SND1: variants seen among roughly 807,000 people sequenced by gnomAD.
The protein encoded by SND1 is staphylococcal nuclease and tudor domain containing 1.
A neutral mutation model predicts 121.7 loss-of-function variants in SND1; 38 were observed. The ratio of observed to expected loss-of-function variants is 0.31; its 90% CI spans 0.24 to 0.41. The LOEUF (loss-of-function observed/expected upper bound fraction) is 0.41, where lower values mean the gene tolerates loss of function less well. Ranked by LOEUF, SND1 falls within the 10% of genes least tolerant of loss-of-function variation. The probability of loss-of-function intolerance (pLI) is 1.00; values close to 1 mark genes in which losing one functional copy is unlikely to be tolerated. For missense variants in SND1, 868 were observed against 1,184.6 expected, an observed-to-expected ratio of 0.73 and a Z score of 3.92; for synonymous variants, 401 against 447.4, an observed-to-expected ratio of 0.90 and a Z score of 1.31.
intron 10 of SND1, among the ~76,000 whole-genome samples, chr7:127,746,922 T>C (rs1256246881): frequency 1.3e-5 from 2 of 152,240 alleles, no homozygotes; most frequent in Non-Finnish European, 2.9e-5. Flanking sequence ...CAGCATATGC[T>C]AGTAATGTTT....
At chr7:127,876,611 T>C (rs1799696212) in intron 12 of SND1, among the ~76,000 whole-genome samples, 1 of 152,152 alleles carries the variant, frequency 6.6e-6, no homozygotes, top group Admixed American at 6.6e-5. Flanking sequence ...TGATGAATCA[T>C]ACAAATTCAC....
intron 16 of SND1, among the ~76,000 whole-genome samples, chr7:128,067,378 C>A (rs1407904519): frequency 6.6e-6 from 1 of 152,204 alleles, no homozygotes; most frequent in Admixed American, 6.5e-5. Flanking sequence ...CCAGACAGCA[C>A]ATGGAAATGA....
At chr7:127,831,358 T>C (rs1266468380) in intron 11 of SND1, among the ~76,000 whole-genome samples, 2 of 152,328 alleles carry the variant, frequency 1.3e-5, no homozygotes, top group African/African-American at 4.8e-5. Context: ...GGGCTGCAGC[T>C]AGGTATAACA....
chr7:127,970,944 T>C lies in SND1; in HGVS notation c.1670-20003T>C, dbSNP rs1801970565. ...GGGCAACAAAGCGAGACCCTGTCTCTATAAATAAATAAATAAATAAATGTT... is the reference window on the plus strand; with the variant it reads ...GGGCAACAAAGCGAGACCCTGTCTCCATAAATAAATAAATAAATAAATGTT... On this transcript the variant is annotated intron_variant, in intron 15 of 23. Coordinates refer to ENST00000354725, the MANE Select transcript of SND1 (RefSeq NM_014390.4). 2.6e-5 allele frequency among the ~76,000 whole-genome samples: 4 copies of C among 151,738 alleles called. No individual in the cohort carries two copies. The South Asian group carries it at 8.3e-4, about 31-fold the overall frequency.
At chr7:127,993,021 C>A (rs1421494085) in intron 16 of SND1, among the ~76,000 whole-genome samples, 3 of 152,162 alleles carry the variant, frequency 2.0e-5, no homozygotes, top group Non-Finnish European at 4.4e-5. Context: ...TCTTTCATAT[C>A]CCTAGGTTGA....
chr7:128,028,497 G>T, intron 16 of SND1: 2 of 592,852 alleles, frequency 3.4e-6, no homozygotes, highest in Non-Finnish European at 2.8e-6. Flanking sequence ...GAACTTACAA[G>T]TTAGAAAATA....
intron 16 of SND1, among the ~76,000 whole-genome samples, chr7:128,035,588 C>G (rs12155421): frequency 0.21 from 31,593 of 152,168 alleles, 3,731 homozygotes; most frequent in Middle Eastern, 0.29. Context: ...AGAGTCTGTC[C>G]TTTTTGACCT....
intron 10 of SND1, among the ~76,000 whole-genome samples, chr7:127,766,392 T>C (rs1282661801): frequency 6.6e-6 from 1 of 152,246 alleles, no homozygotes; most frequent in Admixed American, 6.5e-5. Flanking sequence ...TGATATCAAC[T>C]CTTTGCTTTC....
At chr7:127,928,982 T>G (rs996101489) in intron 14 of SND1, among the ~76,000 whole-genome samples, 1 of 152,210 alleles carries the variant, frequency 6.6e-6, no homozygotes, top group Non-Finnish European at 1.5e-5. Context: ...TTTAACTGAG[T>G]ATTTAAGTTA....
intron 10 of SND1, among the ~76,000 whole-genome samples, chr7:127,772,748 T>C (rs577085169): frequency 6.6e-6 from 1 of 152,276 alleles, no homozygotes; most frequent in African/African-American, 2.4e-5. Flanking sequence ...CATTTCCAGC[T>C]ACTATCTTGC....
At chr7:127,860,755 G>C (rs1799362801) in intron 12 of SND1, among the ~76,000 whole-genome samples, 1 of 152,130 alleles carries the variant, frequency 6.6e-6, no homozygotes, top group African/African-American at 2.4e-5. Flanking sequence ...CTTATTGCTA[G>C]CTAACCAAAA....
chr7:127,703,104 G>A (rs1796131705), intron 6 of SND1, 61 bp from the exon 7 acceptor site: 2 of 1,576,200 alleles, frequency 1.3e-6, no homozygotes, highest in Middle Eastern at 1.8e-4. Context: ...TTAGTGTGGG[G>A]CGAGAGTGCC....
Position 128,048,265 on chromosome 7 carries a change from CT to C in SND1, c.1780-26221del, listed in dbSNP as rs572752218. Among the ~76,000 whole-genome samples, 1,155 of 138,516 alleles carry C rather than the reference CT, an allele frequency of 8.3e-3. 10 individuals are homozygous for C. Among genetic ancestry groups the C allele is most frequent in the East Asian group, 0.042 (203 of 4,802 alleles). 90.9% of individuals were successfully genotyped at this position (138,516 alleles called of 152,430 possible). A position where few individuals can be genotyped will look rare whatever the true frequency, so the allele number is the denominator to read the frequency against. On this transcript the variant is annotated intron_variant, in intron 16 of 23. Coordinates refer to ENST00000354725, the MANE Select transcript of SND1 (RefSeq NM_014390.4). ...ATTGGAACTGGCAGTGATTTTTTTT[CT>C]TTTTTTTTTTTTTTTCCAATTCAGG...
intron 14 of SND1, among the ~76,000 whole-genome samples, chr7:127,926,648 G>C (rs1322506178): frequency 6.7e-6 from 1 of 148,486 alleles, no homozygotes; most frequent in Non-Finnish European, 1.5e-5. Flanking sequence ...CGCCTCTCAG[G>C]TTCATACCAT....
chr7:127,931,379 G>C (rs893427303), intron 15 of SND1, among the ~76,000 whole-genome samples: 2 of 152,188 alleles, frequency 1.3e-5, no homozygotes, highest in African/African-American at 4.8e-5. Flanking sequence ...TCAATTCTGT[G>C]AACACTGAGA....
intron 10 of SND1, among the ~76,000 whole-genome samples, chr7:127,765,910 T>C (rs1563005549): frequency 1.3e-5 from 2 of 152,238 alleles, no homozygotes; most frequent in African/African-American, 2.4e-5. Flanking sequence ...TTAATATTCC[T>C]TGGATGAACA....
intron 11 of SND1, among the ~76,000 whole-genome samples, chr7:127,821,791 T>G (rs1445184710): frequency 1.3e-5 from 2 of 152,166 alleles, no homozygotes; most frequent in Non-Finnish European, 2.9e-5. Flanking sequence ...CTTCTAAAGA[T>G]TTTAAAAGTC....
intron 12 of SND1, among the ~76,000 whole-genome samples, chr7:127,864,637 C>T (rs146896369): frequency 2.1e-4 from 32 of 152,026 alleles, no homozygotes; most frequent in African/African-American, 5.3e-4. Context: ...TTTTCATTCT[C>T]GCCAGTTCAG....
rs564427879 is a variant in SND1 at position 128,032,524 on chromosome 7, C to G, written c.1779+41468C>G. 5.1e-3 allele frequency among the ~76,000 whole-genome samples: 768 copies of G among 151,798 alleles called. 5 individuals are homozygous for G. Among genetic ancestry groups the G allele is most frequent in the African/African-American group, 0.018 (740 of 41,476 alleles). On this transcript the variant is annotated intron_variant, in intron 16 of 23. Transcript: ENST00000354725. ...GGCGCGGGGCTGCGGCGGGAGAGCC[C>G]GCGCCGGCCCCCGCCCTCCGGCCCG... is the stretch of plus-strand genomic sequence containing the variant.
Sources: allele counts gnomAD v4.1 joint callset (sites outside exome capture counted in the v4.1 genomes callset), GRCh38; gene constraint gnomAD v4.1.1; transcripts MANE v1.5; gene names NCBI Gene and HGNC (gene_info 2026-07-23, HGNC 2026-07-21).